Variants in DYNC2H1 observed in about 807,000 individuals in gnomAD.
DYNC2H1 encodes the protein cytoplasmic dynein 2 heavy chain 1.
A neutral mutation model predicts 570.0 loss-of-function variants in DYNC2H1; 410 were observed. The ratio of observed to expected loss-of-function variants is 0.72; its 90% CI spans 0.66 to 0.78. The LOEUF is 0.78. Ranked by LOEUF, DYNC2H1 falls within the 30% of genes least tolerant of loss-of-function variation. The probability of loss-of-function intolerance (pLI) is 0.00; values close to 1 mark genes in which losing one functional copy is unlikely to be tolerated. For synonymous variants in DYNC2H1, 1,688 were observed against 1,677.6 expected, an observed-to-expected ratio of 1.01 and a Z score of -0.15; for missense variants, 4,865 against 5,046.4, an observed-to-expected ratio of 0.96 and a Z score of 1.09.
At chr11:103,236,592 C>G (rs1864231232) in intron 63 of DYNC2H1, 53 bp downstream of exon 63, 1 of 990,732 alleles carries the variant, frequency 1.0e-6, no homozygotes, top group Admixed American at 2.1e-5. Flanking sequence ...GTCAAGCTTG[C>G]TGTAGAAATT....
intron 84 of DYNC2H1, among the ~76,000 whole-genome samples, chr11:103,418,708 A>T (rs1213949084): frequency 6.6e-6 from 1 of 152,182 alleles, no homozygotes; most frequent in Admixed American, 6.5e-5. Context: ...AGTGTGGGGT[A>T]ATGGCCCACC....
At position 103,280,228 on chromosome 11, in the gene DYNC2H1, A is replaced by G; in HGVS notation, c.10696-120A>G. On this transcript the variant is annotated intron_variant, in intron 70 of 88. Coordinates refer to ENST00000375735, the MANE Select transcript of DYNC2H1 (RefSeq NM_001377.3). This position sits in a 1 kb window ranked among gnomAD's most constrained non-coding sequence, Gnocchi z 4.7. ...ATCTGAATAGTAATTTCTTACATCG[A>G]TAAAAAAGTAGGTCATATGAAGACA... The G allele has an allele frequency of 1.1e-6, 1 of 925,932 alleles. No homozygotes were observed. The highest frequency in any genetic ancestry group is 1.7e-6 in the Non-Finnish European group (1 of 605,276). 57.4% of individuals were successfully genotyped at this position (925,932 alleles called of 1,614,324 possible). A position where few individuals can be genotyped will look rare whatever the true frequency, so the allele number is the denominator to read the frequency against.
Position 103,298,439 on chromosome 11 carries a change from A to G in DYNC2H1, c.11096-4654A>G, listed in dbSNP as rs191480429. ...GTTTAACTCCCCATCAACTCTTTGA[A>G]ATACTTATGGTACTATTTCATCTCC... On this transcript the variant is annotated intron_variant, in intron 75 of 88. Transcript: ENST00000375735. Among the ~76,000 whole-genome samples the G allele has an allele frequency of 5.3e-5, 8 of 152,248 alleles. No individual in the cohort carries two copies. The East Asian group carries it at 1.2e-3, about 22-fold the overall frequency.
chr11:103,440,978 T>G (rs575804827), intron 85 of DYNC2H1, among the ~76,000 whole-genome samples: 3 of 152,130 alleles, frequency 2.0e-5, no homozygotes, highest in Non-Finnish European at 4.4e-5. Context: ...CCACACAATC[T>G]CAAATGTTCT....
At chr11:103,386,303 A>G (rs945025422) in intron 83 of DYNC2H1, among the ~76,000 whole-genome samples, 7 of 152,086 alleles carry the variant, frequency 4.6e-5, no homozygotes, top group South Asian at 4.1e-4. Flanking sequence ...TGGTGATGTT[A>G]TGTGGTATTG....
intron 82 of DYNC2H1, among the ~76,000 whole-genome samples, chr11:103,339,218 G>T (rs1392016806): frequency 3.3e-5 from 5 of 152,106 alleles, no homozygotes. Context: ...TGGGGGAGGG[G>T]TGATACCTGC....
chr11:103,271,688 A>G (rs1220863934), intron 70 of DYNC2H1, among the ~76,000 whole-genome samples: 1 of 152,228 alleles, frequency 6.6e-6, no homozygotes, highest in Non-Finnish European at 1.5e-5. Context: ...TAAGTGCCTT[A>G]CATATACTGC....
chr11:103,235,222 G>C (rs774502531), intron 61 of DYNC2H1, among the ~76,000 whole-genome samples: 2 of 151,770 alleles, frequency 1.3e-5, no homozygotes, highest in Non-Finnish European at 2.9e-5. Flanking sequence ...CCTTTAATTA[G>C]CTCTATCTCT....
intron 78 of DYNC2H1, among the ~76,000 whole-genome samples, chr11:103,309,930 C>CCCATAAATGGGAAT (rs1867498696): frequency 6.6e-6 from 1 of 151,924 alleles, no homozygotes; most frequent in Non-Finnish European, 1.5e-5. Flanking sequence ...TGGGAATTTC[C>CCCATAAATGGGAAT]AATTTGATTT....
intron 20 of DYNC2H1, among the ~76,000 whole-genome samples, chr11:103,150,124 G>C (rs1860462964): frequency 6.6e-6 from 1 of 152,176 alleles, no homozygotes; most frequent in African/African-American, 2.4e-5. Flanking sequence ...AGGTGCAATT[G>C]GAAAGAGAGG....
At position 103,333,002 on chromosome 11, in the gene DYNC2H1, CAA is replaced by C. The variant is rs34990087; in HGVS notation, c.12039+9024_12039+9025del. Among the ~76,000 whole-genome samples, 94 of 143,726 alleles carry C rather than the reference CAA, an allele frequency of 6.5e-4. No homozygotes were observed. The Middle Eastern group carries it at 0.022, about 33-fold the overall frequency. 94.3% of individuals were successfully genotyped at this position (143,726 alleles called of 152,430 possible). ...CGGGAGACAGAGCAAGACTCCAACT[CAA>C]AAAAAAAAAAATCTTTCTTAAATAA... On this transcript the variant is annotated intron_variant, in intron 82 of 88. Coordinates refer to ENST00000375735, the MANE Select transcript of DYNC2H1 (RefSeq NM_001377.3).
rs1156500616 is a variant in DYNC2H1, at chr11:103,253,232, A to G, written c.10043-53A>G. On this transcript the variant is annotated intron_variant, in intron 65 of 88. Coordinates refer to ENST00000375735, the MANE Select transcript of DYNC2H1 (RefSeq NM_001377.3). ...TAAAAATTATATTTTCAAATATTGT[A>G]TAGTGAAATACAGAAGATTCAGACC... is the stretch of plus-strand genomic sequence containing the variant. 13 of 1,516,666 alleles carry G rather than the reference A, an allele frequency of 8.6e-6. No individual in the cohort carries two copies. The African/African-American group carries it at 1.1e-4, about 13-fold the overall frequency. The allele number at this position is 1,516,666 out of a possible 1,614,324, so 94.0% of individuals were successfully genotyped here. A position where few individuals can be genotyped will look rare whatever the true frequency, so the allele number is the denominator to read the frequency against.
At position 103,154,219 on chromosome 11, in the gene DYNC2H1, A is replaced by T. The variant is rs922350701; in HGVS notation, c.3303-232A>T. Among the ~76,000 whole-genome samples, 6 of 151,974 alleles carry T rather than the reference A, an allele frequency of 3.9e-5. No individual in the cohort carries two copies. The East Asian group carries it at 1.2e-3, about 29-fold the overall frequency. On this transcript the variant is annotated intron_variant, in intron 22 of 88. Coordinates refer to ENST00000375735, the MANE Select transcript of DYNC2H1 (RefSeq NM_001377.3). ...ACTTCTTTGGAAAAAATGTATATTA[A>T]TGAATTTATAGAGTTCATATATGAG...
At chr11:103,440,322 T>G (rs1303109927) in intron 85 of DYNC2H1, among the ~76,000 whole-genome samples, 5 of 152,276 alleles carry the variant, frequency 3.3e-5, no homozygotes, top group Middle Eastern at 3.4e-3. Flanking sequence ...GTGTGTTAAA[T>G]TAGCATTAAG....
In DYNC2H1 at chr11:103,152,165, CA is replaced by C. The variant is rs1202610425; in HGVS notation, c.2981del (p.Asn994ThrfsTer12). On this transcript the variant is annotated frameshift_variant, in exon 21 of 89. Coordinates refer to ENST00000375735, the MANE Select transcript of DYNC2H1 (RefSeq NM_001377.3). LOFTEE classifies it high-confidence loss of function. ...TGCCCTTATTTCAAGAAGCTGAAGA[CA>C]AAAACAGACTTTTACGAACTGTGGC... ...ILPLFQEAED[K>X]NRLLRTVAGG... The C allele has an allele frequency of 9.4e-6, 15 of 1,596,048 alleles. No homozygotes were observed. Among genetic ancestry groups the C allele is most frequent in the Non-Finnish European group, 1.2e-5 (14 of 1,173,270 alleles).
Position 103,154,498 on chromosome 11 carries a change from C to G in DYNC2H1, c.3350C>G (p.Ala1117Gly), listed in dbSNP as rs1860718081. ...CTGGAAGAGCCTAATTTCTCCCTGG[C>G]AAGTAGTATCTCTAAAGATATCGAG... ...FRLEEPNFSL[A>G]SSISKDIESC... Residue 1117 changes from alanine (A) to glycine (G), a missense_variant, in exon 23 of 89, where the codon GCA becomes GGA. Physicochemically the swap from Ala to Gly is moderately conservative, Grantham distance 60. Coordinates refer to ENST00000375735, the MANE Select transcript of DYNC2H1 (RefSeq NM_001377.3). 2 of 1,564,142 alleles carry G rather than the reference C, an allele frequency of 1.3e-6. No individual in the cohort carries two copies. Among genetic ancestry groups the G allele is most frequent in the African/African-American group, 2.7e-5 (2 of 73,506 alleles).
chr11:103,387,298 TC>T, intron 83 of DYNC2H1, among the ~76,000 whole-genome samples: 1 of 152,274 alleles, frequency 6.6e-6, no homozygotes, highest in East Asian at 1.9e-4. Context: ...ATAGATGTCT[TC>T]TTTTGAGAAG....
rs540759105 is a variant in DYNC2H1, at chr11:103,135,558, C to T, written c.2269C>T (p.Leu757=). 16 of 1,612,808 alleles carry T rather than the reference C, an allele frequency of 9.9e-6. No individual in the cohort carries two copies. The highest frequency in any genetic ancestry group is 3.3e-5 in the Admixed American group (2 of 59,874). The change falls in exon 16 of 89, where the codon CTG becomes TTG. Residue 757 remains leucine, a synonymous_variant. Transcript: ENST00000375735. ...QHWNHQLYKA[L]EHQYQMGLEA... is the part of the protein sequence containing the mutation. ...CTGGAATCATCAACTGTACAAAGCTCTGGAGCATCAGTACCAGATGGGCTT... is the reference window on the plus strand; with the variant it reads ...CTGGAATCATCAACTGTACAAAGCTTTGGAGCATCAGTACCAGATGGGCTT...
At chr11:103,413,845 C>A (rs979712108) in intron 84 of DYNC2H1, among the ~76,000 whole-genome samples, 1 of 152,048 alleles carries the variant, frequency 6.6e-6, no homozygotes, top group Non-Finnish European at 1.5e-5. Flanking sequence ...CCTTTATATC[C>A]CTAACTTAAT....
Sources: allele counts gnomAD v4.1 joint callset (sites outside exome capture counted in the v4.1 genomes callset), GRCh38; gene constraint gnomAD v4.1.1; non-coding constraint Gnocchi (gnomAD v3.1); transcripts MANE v1.5; gene names NCBI Gene and HGNC (gene_info 2026-07-23, HGNC 2026-07-21).